Variants in LEF1 observed in about 807,000 individuals in gnomAD.
The protein encoded by LEF1 is lymphoid enhancer-binding factor 1.
Under a neutral mutation model 51.2 loss-of-function variants are expected in LEF1, and 14 were observed. That is an observed-to-expected ratio of 0.27 (90% CI 0.18 to 0.43). LEF1 has a LOEUF of 0.43. Ranked by LOEUF, LEF1 falls within the 20% of genes least tolerant of loss-of-function variation. LEF1 has a pLI of 1.00. For missense variants in LEF1, 386 were observed against 512.0 expected, an observed-to-expected ratio of 0.75 and a Z score of 2.37; for synonymous variants, 185 against 183.2, an observed-to-expected ratio of 1.01 and a Z score of -0.08.
intron 3 of LEF1, among the ~76,000 whole-genome samples, chr4:108,157,199 CACACACACACACACACACACAA>C (rs1282537245): frequency 1.3e-5 from 2 of 150,290 alleles, no homozygotes; most frequent in African/African-American, 4.9e-5. Flanking sequence ...CACACACACA[CACACACACACACACACACACAA>C]ACACACATAT....
intron 11 of LEF1, among the ~76,000 whole-genome samples, chr4:108,060,137 A>C (rs1041912077): frequency 2.6e-5 from 4 of 152,148 alleles, no homozygotes; most frequent in Non-Finnish European, 4.4e-5. Context: ...CCCAGGACAC[A>C]AGGTAGCCAT....
chr4:108,160,670 T>A (rs1439056274), intron 3 of LEF1, among the ~76,000 whole-genome samples: 4 of 152,186 alleles, frequency 2.6e-5, no homozygotes, highest in Non-Finnish European at 5.9e-5. Flanking sequence ...TAGGTGAAAG[T>A]GGTGCTCCTG....
chr4:108,057,171 G>T (rs1435679026), intron 11 of LEF1, among the ~76,000 whole-genome samples: 2 of 151,980 alleles, frequency 1.3e-5, no homozygotes, highest in Non-Finnish European at 2.9e-5. Flanking sequence ...TTCTAAATAT[G>T]TTACAAAAGA....
At chr4:108,118,243 A>G (rs908063516) in intron 3 of LEF1, among the ~76,000 whole-genome samples, 2 of 152,212 alleles carry the variant, frequency 1.3e-5, no homozygotes, top group South Asian at 2.1e-4. Flanking sequence ...GCTTATTAAT[A>G]CTTACTGCTA....
intron 3 of LEF1, among the ~76,000 whole-genome samples, chr4:108,091,832 C>T (rs1336722959): frequency 6.6e-6 from 1 of 152,108 alleles, no homozygotes; most frequent in African/African-American, 2.4e-5. Flanking sequence ...AAAATGGAAA[C>T]ACAAATCTCA....
At chr4:108,076,454 C>T (rs981236546) in intron 8 of LEF1, among the ~76,000 whole-genome samples, 1 of 152,090 alleles carries the variant, frequency 6.6e-6, no homozygotes, top group Non-Finnish European at 1.5e-5. Context: ...CTGCAACCTC[C>T]GCCTCCCAGG....
At chr4:108,058,660 T>C (rs900228416) in intron 11 of LEF1, among the ~76,000 whole-genome samples, 1 of 152,232 alleles carries the variant, frequency 6.6e-6, no homozygotes, top group African/African-American at 2.4e-5. Context: ...TTATTCTCTT[T>C]ATTTTTATAT....
At chr4:108,089,955 T>A (rs1307112164) in intron 3 of LEF1, among the ~76,000 whole-genome samples, 1 of 152,170 alleles carries the variant, frequency 6.6e-6, no homozygotes, top group Non-Finnish European at 1.5e-5. Flanking sequence ...GAATTTCCAA[T>A]CTTGAGTTGA....
intron 3 of LEF1, among the ~76,000 whole-genome samples, chr4:108,139,394 T>C (rs1197687321): frequency 6.6e-6 from 1 of 152,266 alleles, no homozygotes; most frequent in Non-Finnish European, 1.5e-5. Context: ...CATGCATCTT[T>C]AAATAGCATG....
Position 108,083,370 on chromosome 4 carries a change from G to T in LEF1, c.624C>A (p.Thr208=). Residue 208 remains threonine, a synonymous_variant, in exon 5 of 12, where the codon ACC becomes ACA. Transcript: ENST00000265165. The stretch of plus-strand genomic sequence containing the variant: ...AAGGTTCTTACCAGCCAAGAGGTGG[G>T]GTGATCTGTCCAACACCACCCGGAG... ...PLSPGGVGQI[T]PPLGWQGQPV... is the part of the protein sequence containing the mutation. 1 of 1,611,902 alleles carries T rather than the reference G, an allele frequency of 6.2e-7. No individual in the cohort carries two copies. Among genetic ancestry groups the T allele is most frequent in the Non-Finnish European group, 8.5e-7 (1 of 1,177,990 alleles).
Position 108,143,134 on chromosome 4 carries a change from T to C in LEF1, c.414+20434A>G, listed in dbSNP as rs145359945. Among the ~76,000 whole-genome samples, 294 of 152,336 alleles carry C rather than the reference T, an allele frequency of 1.9e-3. 2 individuals carry two copies. Among genetic ancestry groups the C allele is most frequent in the African/African-American group, 6.6e-3 (276 of 41,590 alleles). Reference sequence around the variant, plus strand: ...TGAATCAACAGACCTGGCTGTAAGGTACCCAACTGTAAATTTTCTTTGAAA... The same window carrying C: ...TGAATCAACAGACCTGGCTGTAAGGCACCCAACTGTAAATTTTCTTTGAAA... On this transcript the variant is annotated intron_variant, in intron 3 of 11. Coordinates refer to ENST00000265165, the MANE Select transcript of LEF1 (RefSeq NM_016269.5).
intron 3 of LEF1, among the ~76,000 whole-genome samples, chr4:108,154,222 T>A (rs771063804): frequency 2.6e-5 from 4 of 152,142 alleles, no homozygotes; most frequent in Non-Finnish European, 5.9e-5. Flanking sequence ...ATAAGTACTT[T>A]GTATTCTTAA....
At chr4:108,113,270 G>A (rs1741636775) in intron 3 of LEF1, among the ~76,000 whole-genome samples, 1 of 152,184 alleles carries the variant, frequency 6.6e-6, no homozygotes, top group Admixed American at 6.5e-5. Flanking sequence ...GCAGAAAAAA[G>A]GTAGAAGAGC....
At chr4:108,099,609 T>TAA (rs1740669859) in intron 3 of LEF1, among the ~76,000 whole-genome samples, 1 of 117,294 alleles carries the variant, frequency 8.5e-6, no homozygotes, top group Non-Finnish European at 1.8e-5. Context: ...TATATATATA[T>TAA]ATATATATAA....
At chr4:108,110,687 C>T (rs1741476644) in intron 3 of LEF1, among the ~76,000 whole-genome samples, 1 of 152,174 alleles carries the variant, frequency 6.6e-6, no homozygotes, top group Non-Finnish European at 1.5e-5. Flanking sequence ...CCTCAAACCT[C>T]GACCCTGCTC....
chr4:108,064,916 C>T (rs927696880), intron 9 of LEF1, among the ~76,000 whole-genome samples: 1 of 151,984 alleles, frequency 6.6e-6, no homozygotes, highest in South Asian at 2.1e-4. Context: ...ATTAAAAGTT[C>T]CCTGGTGTTA....
At chr4:108,092,332 T>A (rs1740076801) in intron 3 of LEF1, among the ~76,000 whole-genome samples, 1 of 152,206 alleles carries the variant, frequency 6.6e-6, no homozygotes. Flanking sequence ...AAAAGTAATA[T>A]GAAATTTCAA....
intron 11 of LEF1, among the ~76,000 whole-genome samples, chr4:108,055,466 A>T (rs1737254741): frequency 6.6e-6 from 1 of 152,218 alleles, no homozygotes; most frequent in Non-Finnish European, 1.5e-5. Flanking sequence ...GAAAAATTAC[A>T]TGTTTTGACA....
intron 9 of LEF1, among the ~76,000 whole-genome samples, chr4:108,065,670 CT>C (rs1320577636): frequency 3.3e-5 from 5 of 152,080 alleles, no homozygotes; most frequent in Non-Finnish European, 5.9e-5. Flanking sequence ...GAAATATGCA[CT>C]TTTATAGAGC....
Sources: gnomAD v4.1 joint callset for allele counts (sites outside exome capture counted in the v4.1 genomes callset) on GRCh38, gnomAD v4.1.1 for gene constraint, MANE v1.5 for transcripts, NCBI Gene and HGNC (gene_info 2026-07-23, HGNC 2026-07-21) for gene names.